PCSK5: variants seen among roughly 807,000 people sequenced by gnomAD.
The protein encoded by PCSK5 is prohormone convertase 5.
PCSK5 carries 129 observed loss-of-function variants against 233.2 expected under a neutral mutation model. That is an observed-to-expected ratio of 0.55 (90% CI 0.48 to 0.64). PCSK5 has a LOEUF of 0.64. PCSK5 is among the 30% of genes least tolerant of loss of function. The pLI is 0.00. For synonymous variants in PCSK5, 825 were observed against 879.2 expected (o/e 0.94, Z 1.09); for missense variants, 2,076 against 2,430.1 (o/e 0.85, Z 3.06).
intron 24 of PCSK5, among the ~76,000 whole-genome samples, chr9:76,258,562 C>T (rs545845285): frequency 6.6e-6 from 1 of 152,286 alleles, no homozygotes; most frequent in South Asian, 2.1e-4. Context: ...AGAAATCTTA[C>T]ATGAATTGAA....
intron 34 of PCSK5, among the ~76,000 whole-genome samples, chr9:76,333,179 A>G (rs1829583835): frequency 6.6e-6 from 1 of 152,236 alleles, no homozygotes; most frequent in Non-Finnish European, 1.5e-5. Flanking sequence ...CCTTGTTTCT[A>G]AAAATTAAAA....
At chr9:76,271,594 G>A (rs1827513002) in intron 24 of PCSK5, among the ~76,000 whole-genome samples, 2 of 152,112 alleles carry the variant, frequency 1.3e-5, no homozygotes, top group South Asian at 4.1e-4. Context: ...TCAGCACTTT[G>A]GAAGGCCAGG....
intron 9 of PCSK5, among the ~76,000 whole-genome samples, chr9:76,123,059 G>A (rs570790795): frequency 6.6e-6 from 1 of 151,928 alleles, no homozygotes; most frequent in African/African-American, 2.4e-5. Flanking sequence ...GGCCAGGCTG[G>A]TTTTGAACTC....
At chr9:75,968,447 AT>A (rs1160555713) in intron 2 of PCSK5, among the ~76,000 whole-genome samples, 3 of 152,254 alleles carry the variant, frequency 2.0e-5, no homozygotes, top group African/African-American at 7.2e-5. Flanking sequence ...GATAAGAAAA[AT>A]ATAGCCTCTT....
chr9:75,951,804 G>A (rs1006522304), intron 2 of PCSK5, among the ~76,000 whole-genome samples: 12 of 151,952 alleles, frequency 7.9e-5, no homozygotes, highest in African/African-American at 1.7e-4. Context: ...TATTTACAGG[G>A]CATTTACATT....
chr9:76,074,023 A>G (rs1830562871), intron 7 of PCSK5, among the ~76,000 whole-genome samples: 1 of 152,206 alleles, frequency 6.6e-6, no homozygotes, highest in African/African-American at 2.4e-5. Context: ...CTTTATATTC[A>G]TTATTAATTA....
chr9:75,960,189 G>A (rs1010972606), intron 2 of PCSK5, among the ~76,000 whole-genome samples: 9 of 151,730 alleles, frequency 5.9e-5, no homozygotes, highest in Non-Finnish European at 1.2e-4. Flanking sequence ...GTGAAATAAA[G>A]ATAAAACAGA....
In PCSK5 at chr9:76,321,418, A is replaced by G; in HGVS notation, c.3885-4A>G. The stretch of plus-strand genomic sequence containing the variant: ...TCCAGTTGCACTCTGTCTTCCTTCC[A>G]CAGGGGCTCTTATGCAGAAGACGGC... On this transcript the variant is annotated splice_polypyrimidine_tract_variant and splice_region_variant and intron_variant, in intron 30 of 37. Coordinates refer to ENST00000674117, the MANE Select transcript of PCSK5 (RefSeq NM_001372043.1). 2 of 1,510,736 alleles carry G rather than the reference A, an allele frequency of 1.3e-6. No homozygotes were observed. 93.6% of individuals were successfully genotyped at this position (1,510,736 alleles called of 1,614,324 possible).
intron 25 of PCSK5, among the ~76,000 whole-genome samples, chr9:76,293,198 G>A (rs556195410): frequency 2.0e-5 from 3 of 152,294 alleles, no homozygotes; most frequent in African/African-American, 7.2e-5. Context: ...GTGGTGACAA[G>A]AGAAGGCGAC....
At chr9:76,065,989 A>G (rs1454250759) in intron 5 of PCSK5, among the ~76,000 whole-genome samples, 3 of 152,010 alleles carry the variant, frequency 2.0e-5, no homozygotes, top group African/African-American at 4.8e-5. Flanking sequence ...TGTGTTCTCT[A>G]TTCTGTTCTG....
intron 24 of PCSK5, among the ~76,000 whole-genome samples, chr9:76,262,824 A>T (rs1399311349): frequency 6.6e-6 from 1 of 151,522 alleles, no homozygotes; most frequent in African/African-American, 2.4e-5. Flanking sequence ...AGAAACTACC[A>T]TCAGAGTGAA....
At chr9:76,262,811 A>G (rs2131362104) in intron 24 of PCSK5, among the ~76,000 whole-genome samples, 1 of 151,562 alleles carries the variant, frequency 6.6e-6, no homozygotes, top group South Asian at 2.1e-4. Context: ...TCTGCACAGC[A>G]AAAGAAACTA....
intron 28 of PCSK5, among the ~76,000 whole-genome samples, chr9:76,307,125 A>G (rs539337368): frequency 6.8e-6 from 1 of 147,554 alleles, no homozygotes; most frequent in South Asian, 2.2e-4. Flanking sequence ...TAAGGGCAGA[A>G]TTATTTTCTC....
intron 5 of PCSK5, among the ~76,000 whole-genome samples, chr9:76,041,210 G>A (rs1033169836): frequency 3.3e-5 from 5 of 152,128 alleles, no homozygotes; most frequent in African/African-American, 1.2e-4. Flanking sequence ...ATACACAATT[G>A]TAAACTAGGG....
intron 37 of PCSK5, among the ~76,000 whole-genome samples, chr9:76,356,638 C>T (rs1830310486): frequency 6.6e-6 from 1 of 152,102 alleles, no homozygotes; most frequent in Admixed American, 6.6e-5. Flanking sequence ...AGGGCTGTTA[C>T]TTTAGAAGAA....
chr9:76,227,706 T>G, intron 21 of PCSK5, 101 bp downstream of exon 21: 1 of 738,608 alleles, frequency 1.4e-6, no homozygotes, highest in East Asian at 2.7e-5. Context: ...GGGCCTGCAG[T>G]GAAAAAGAAG....
At chr9:76,223,682 A>C (rs2131304217) in intron 20 of PCSK5, among the ~76,000 whole-genome samples, 1 of 152,322 alleles carries the variant, frequency 6.6e-6, no homozygotes, top group South Asian at 2.1e-4. Flanking sequence ...AAATCATAAC[A>C]ATGGATGAAG....
chr9:76,340,659 A>AAAC (rs1829805660), intron 35 of PCSK5, among the ~76,000 whole-genome samples: 1 of 148,090 alleles, frequency 6.8e-6, no homozygotes, highest in Non-Finnish European at 1.5e-5. Flanking sequence ...AAAAAAAAAA[A>AAAC]CTTCAAATAT....
chr9:76,347,137 T>C (rs1830001822), intron 35 of PCSK5, among the ~76,000 whole-genome samples: 1 of 151,936 alleles, frequency 6.6e-6, no homozygotes, highest in Non-Finnish European at 1.5e-5. Context: ...CATAAAATGG[T>C]TTGGAATCAA....
Sources: gnomAD v4.1 joint callset for allele counts (sites outside exome capture counted in the v4.1 genomes callset) on GRCh38, gnomAD v4.1.1 for gene constraint, MANE v1.5 for transcripts, NCBI Gene and HGNC (gene_info 2026-07-23, HGNC 2026-07-21) for gene names.